Variants in HIVEP3 observed in about 807,000 individuals in gnomAD.
HIVEP3 encodes the protein HIVEP zinc finger 3, also known as transcription factor HIVEP3.
A neutral mutation model predicts 152.8 loss-of-function variants in HIVEP3; 49 were observed. The ratio of observed to expected loss-of-function variants is 0.32; its 90% CI spans 0.26 to 0.41. HIVEP3 has a LOEUF of 0.41. HIVEP3 is among the 10% of genes least tolerant of loss of function. The pLI, the probability that HIVEP3 is intolerant of heterozygous loss-of-function variation, is 1.00. For synonymous variants in HIVEP3, 1,269 were observed against 1,289.0 expected, an observed-to-expected ratio of 0.98 and a Z score of 0.33; for missense variants, 2,790 against 3,103.3, an observed-to-expected ratio of 0.90 and a Z score of 2.40.
chr1:41,940,102 TG>T (rs1304818116), intron 1 of HIVEP3, among the ~76,000 whole-genome samples: 2 of 152,234 alleles, frequency 1.3e-5, no homozygotes, highest in Non-Finnish European at 2.9e-5. Flanking sequence ...TAAAATACTT[TG>T]TTTTATTCTT....
chr1:41,748,683 A>C (rs1279642751), intron 1 of HIVEP3, among the ~76,000 whole-genome samples: 1 of 152,232 alleles, frequency 6.6e-6, no homozygotes, highest in Non-Finnish European at 1.5e-5. Flanking sequence ...TGATGGAGGC[A>C]GGAGGCTCAG....
At chr1:41,628,105 A>T (rs1645143492) in intron 3 of HIVEP3, among the ~76,000 whole-genome samples, 1 of 152,186 alleles carries the variant, frequency 6.6e-6, no homozygotes, top group Non-Finnish European at 1.5e-5. Context: ...ATATAAACAT[A>T]AGCTGATACC....
At chr1:41,695,692 G>A (rs1194388560) in intron 2 of HIVEP3, among the ~76,000 whole-genome samples, 2 of 152,224 alleles carry the variant, frequency 1.3e-5, no homozygotes, top group African/African-American at 2.4e-5. Flanking sequence ...GCTTCATCCT[G>A]TGGGCAGAGA....
At chr1:41,653,891 C>A (rs1047111394) in intron 2 of HIVEP3, among the ~76,000 whole-genome samples, 2 of 147,618 alleles carry the variant, frequency 1.4e-5, no homozygotes, top group Non-Finnish European at 3.0e-5. Flanking sequence ...AATCCCCTGG[C>A]CCCTGTTCTC....
At chr1:41,732,590 C>T (rs1285802842) in intron 1 of HIVEP3, among the ~76,000 whole-genome samples, 1 of 152,084 alleles carries the variant, frequency 6.6e-6, no homozygotes, top group African/African-American at 2.4e-5. Context: ...GAGTTGAGGA[C>T]TACATGGCTT....
chr1:41,978,256 C>G (rs1053568464), intron 1 of HIVEP3, among the ~76,000 whole-genome samples: 3 of 152,010 alleles, frequency 2.0e-5, no homozygotes, highest in Admixed American at 1.3e-4. Context: ...CAACCCCCTC[C>G]AGTCAGCAGC....
At chr1:41,540,392 C>T (rs138592996) in intron 5 of HIVEP3, among the ~76,000 whole-genome samples, 1 of 152,298 alleles carries the variant, frequency 6.6e-6, no homozygotes, top group African/African-American at 2.4e-5. Flanking sequence ...GGCAAGGTAG[C>T]CAGGGCTCAT....
chr1:41,621,817 C>T (rs184231979), intron 3 of HIVEP3, among the ~76,000 whole-genome samples: 1 of 152,308 alleles, frequency 6.6e-6, no homozygotes, highest in South Asian at 2.1e-4. Flanking sequence ...CAGGCCTGGT[C>T]AGCCCTGCTC....
chr1:41,553,290 A>C (rs537220365), intron 5 of HIVEP3, among the ~76,000 whole-genome samples: 5 of 152,148 alleles, frequency 3.3e-5, no homozygotes, highest in African/African-American at 1.2e-4. Context: ...GTTGGTTTAA[A>C]GTCTGTTTTA....
intron 3 of HIVEP3, among the ~76,000 whole-genome samples, chr1:41,627,168 T>G (rs1288846352): frequency 6.6e-6 from 1 of 152,224 alleles, no homozygotes; most frequent in Admixed American, 6.5e-5. Flanking sequence ...GTGGCCCAAC[T>G]GCCCACACAC....
intron 1 of HIVEP3, among the ~76,000 whole-genome samples, chr1:41,804,433 T>G (rs955319105): frequency 3.3e-5 from 5 of 152,264 alleles, no homozygotes; most frequent in Admixed American, 1.3e-4. Context: ...CAGATAAGGC[T>G]GGCTGTGCCC....
At chr1:41,833,520 AGGCACGAAT>A (rs1404536347) in intron 1 of HIVEP3, among the ~76,000 whole-genome samples, 4 of 152,230 alleles carry the variant, frequency 2.6e-5, no homozygotes, top group African/African-American at 9.6e-5. Context: ...CAAAGCACAA[AGGCACGAAT>A]GGTAGAGATA....
intron 1 of HIVEP3, among the ~76,000 whole-genome samples, chr1:41,788,623 A>C (rs1028300220): frequency 3.3e-5 from 5 of 152,250 alleles, no homozygotes; most frequent in Non-Finnish European, 7.3e-5. Flanking sequence ...TCCTGCTAGC[A>C]GTCCTGGGAC....
At position 41,603,236 on chromosome 1, in the gene HIVEP3, T is replaced by C. The variant is rs191692742; in HGVS notation, c.-521-17918A>G. ...CACGCACTGTCATGCTCAGCTACTT[T>C]TTTGTATCTTTAGTAGCGATGTGGT... is the stretch of plus-strand genomic sequence containing the variant. On this transcript the variant is annotated intron_variant, in intron 3 of 8. Transcript: ENST00000372583. Among the ~76,000 whole-genome samples the C allele has an allele frequency of 1.9e-3, 291 of 151,944 alleles. 1 individual carries two copies. The highest frequency in any genetic ancestry group is 6.6e-3 in the African/African-American group (272 of 41,396).
At chr1:41,568,658 G>C (rs1391001222) in intron 5 of HIVEP3, among the ~76,000 whole-genome samples, 1 of 152,274 alleles carries the variant, frequency 6.6e-6, no homozygotes, top group Admixed American at 6.5e-5. Context: ...GCAGATTCTA[G>C]ATACGGTTTC....
At chr1:41,709,783 A>G (rs770999466) in intron 1 of HIVEP3, among the ~76,000 whole-genome samples, 3 of 152,164 alleles carry the variant, frequency 2.0e-5, no homozygotes, top group Admixed American at 6.5e-5. Context: ...GCAGCTCAGT[A>G]ACCCCCGCCC....
At chr1:41,630,088 T>C (rs1018320320) in intron 2 of HIVEP3, among the ~76,000 whole-genome samples, 1 of 152,218 alleles carries the variant, frequency 6.6e-6, no homozygotes, top group African/African-American at 2.4e-5. Context: ...TGGAATATTA[T>C]GTAGTCATAA....
chr1:41,859,005 C>T (rs143797740), intron 1 of HIVEP3, among the ~76,000 whole-genome samples: 312 of 152,292 alleles, frequency 2.0e-3, no homozygotes, highest in African/African-American at 7.0e-3. Flanking sequence ...AGTCCTGACC[C>T]CACTGCTTAC....
intron 3 of HIVEP3, among the ~76,000 whole-genome samples, chr1:41,620,002 T>C (rs1214799310): frequency 2.0e-5 from 3 of 152,190 alleles, no homozygotes; most frequent in Non-Finnish European, 4.4e-5. Flanking sequence ...TCACAGGCTC[T>C]GCAGGGGTTT....
Sources: gnomAD v4.1 joint callset for allele counts (sites outside exome capture counted in the v4.1 genomes callset) on GRCh38, gnomAD v4.1.1 for gene constraint, MANE v1.5 for transcripts, NCBI Gene and HGNC (gene_info 2026-07-23, HGNC 2026-07-21) for gene names.